Variants in ARL15 observed in about 807,000 individuals in gnomAD.
The protein encoded by ARL15 is ARF like GTPase 15, also known as ADP-ribosylation factor-like protein 15.
ARL15 carries 19 observed loss-of-function variants against 25.2 expected under a neutral mutation model. The observed-to-expected ratio is 0.75, with a 90% CI of 0.53 to 1.10. The LOEUF is 1.10. Ranked by LOEUF, ARL15 falls within the 50% of genes least tolerant of loss-of-function variation. The pLI is 0.00. For synonymous variants in ARL15, 94 were observed against 86.8 expected (o/e 1.08, Z -0.46); for missense variants, 220 against 246.0 (o/e 0.89, Z 0.71).
intron 4 of ARL15, among the ~76,000 whole-genome samples, chr5:54,062,163 T>C (rs1751088604): frequency 1.3e-5 from 2 of 152,204 alleles, no homozygotes; most frequent in African/African-American, 4.8e-5. Flanking sequence ...TGTACCCGCA[T>C]TGTACGTAGG....
At chr5:54,175,582 A>T (rs772780224) in intron 1 of ARL15, among the ~76,000 whole-genome samples, 1 of 150,316 alleles carries the variant, frequency 6.7e-6, no homozygotes, top group Non-Finnish European at 1.5e-5. Context: ...TGATCCACTC[A>T]CCTCAGCCTC....
At chr5:54,123,587 T>C (rs1014449772) in intron 3 of ARL15, among the ~76,000 whole-genome samples, 1 of 152,186 alleles carries the variant, frequency 6.6e-6, no homozygotes, top group African/African-American at 2.4e-5. Context: ...AAATGAATAG[T>C]TTCTATGAGT....
intron 2 of ARL15, among the ~76,000 whole-genome samples, chr5:54,165,036 T>C (rs1404681109): frequency 3.9e-5 from 6 of 151,972 alleles, no homozygotes; most frequent in Admixed American, 2.6e-4. Flanking sequence ...TTTGTTATTT[T>C]ATTGGTTACT....
intron 2 of ARL15, among the ~76,000 whole-genome samples, chr5:54,162,037 A>G (rs172139): frequency 0.41 from 62,688 of 151,310 alleles, 13,554 homozygotes; most frequent in East Asian, 0.82. Flanking sequence ...AGAGAGATAC[A>G]CACCTGCTAT....
At chr5:54,228,957 C>T (rs1441103189) in intron 1 of ARL15, among the ~76,000 whole-genome samples, 1 of 152,124 alleles carries the variant, frequency 6.6e-6, no homozygotes, top group Non-Finnish European at 1.5e-5. Context: ...GTTAAGGTGT[C>T]TGTGAGAGAT....
intron 1 of ARL15, among the ~76,000 whole-genome samples, chr5:54,271,301 AG>A (rs1757777331): frequency 6.6e-6 from 1 of 152,192 alleles, no homozygotes; most frequent in Non-Finnish European, 1.5e-5. Flanking sequence ...TCAGTATCCA[AG>A]GGGAATTGGT....
intron 4 of ARL15, among the ~76,000 whole-genome samples, chr5:53,914,607 A>C (rs1745574094): frequency 1.3e-5 from 2 of 152,118 alleles, no homozygotes; most frequent in Admixed American, 1.3e-4. Flanking sequence ...GACAGACCTC[A>C]AGGCTCAGAG....
intron 3 of ARL15, among the ~76,000 whole-genome samples, chr5:54,149,908 A>C (rs1754014344): frequency 6.6e-6 from 1 of 152,210 alleles, no homozygotes; most frequent in South Asian, 2.1e-4. Flanking sequence ...ATAGGAAAAC[A>C]AAAAGTTCAC....
chr5:54,260,631 C>A (rs896824395), intron 1 of ARL15, among the ~76,000 whole-genome samples: 4 of 152,128 alleles, frequency 2.6e-5, no homozygotes, highest in African/African-American at 9.7e-5. Context: ...TGGTTTCAAC[C>A]CTGATTTGAA....
At chr5:53,898,516 A>G (rs960002845) in intron 4 of ARL15, among the ~76,000 whole-genome samples, 3 of 152,092 alleles carry the variant, frequency 2.0e-5, no homozygotes, top group East Asian at 1.9e-4. Flanking sequence ...TCTTGAGTAA[A>G]TTTCAGTAGT....
intron 4 of ARL15, among the ~76,000 whole-genome samples, chr5:54,109,158 T>C (rs1389428987): frequency 6.6e-6 from 1 of 152,014 alleles, no homozygotes; most frequent in African/African-American, 2.4e-5. Context: ...GTTGACACCC[T>C]AATTTAGAAG....
At chr5:53,999,515 C>T (rs993915076) in intron 4 of ARL15, among the ~76,000 whole-genome samples, 4 of 152,010 alleles carry the variant, frequency 2.6e-5, no homozygotes, top group African/African-American at 7.2e-5. Flanking sequence ...CACTTGAACC[C>T]GGGAGGTGGA....
chr5:54,296,808 A>G (rs1174709945), intron 1 of ARL15, among the ~76,000 whole-genome samples: 1 of 152,184 alleles, frequency 6.6e-6, no homozygotes, highest in Non-Finnish European at 1.5e-5. Flanking sequence ...CCCTGGAAGG[A>G]CCCTCAATTC....
intron 1 of ARL15, among the ~76,000 whole-genome samples, chr5:54,212,524 A>G (rs1319521540): frequency 6.6e-6 from 1 of 152,214 alleles, no homozygotes; most frequent in African/African-American, 2.4e-5. Context: ...CAGGGAACAC[A>G]GGAGTCTAAG....
chr5:54,192,478 T>C (rs577094004), intron 1 of ARL15, among the ~76,000 whole-genome samples: 3 of 152,074 alleles, frequency 2.0e-5, no homozygotes, highest in South Asian at 2.1e-4. Flanking sequence ...CCTTTTATCA[T>C]TGGACAGAGG....
At chr5:54,212,322 G>A (rs1756065841) in intron 1 of ARL15, among the ~76,000 whole-genome samples, 1 of 152,128 alleles carries the variant, frequency 6.6e-6, no homozygotes, top group Non-Finnish European at 1.5e-5. Context: ...ATCAGCTCCA[G>A]ATGTCACATT....
At chr5:54,083,451 G>A (rs60121182) in intron 4 of ARL15, among the ~76,000 whole-genome samples, 2,860 of 152,258 alleles carry the variant, frequency 0.019, 104 homozygotes, top group African/African-American at 0.066. Flanking sequence ...GGATGGTTGC[G>A]CAAGAATTAA....
intron 3 of ARL15, among the ~76,000 whole-genome samples, chr5:54,119,533 C>T (rs1753009842): frequency 6.6e-6 from 1 of 152,110 alleles, no homozygotes; most frequent in Non-Finnish European, 1.5e-5. Context: ...AGAAAACTAG[C>T]TCAAATTATA....
chr5:54,128,862 C>A (rs1753347485), intron 3 of ARL15, among the ~76,000 whole-genome samples: 1 of 151,924 alleles, frequency 6.6e-6, no homozygotes, highest in Admixed American at 6.6e-5. Flanking sequence ...AGTGCCACCA[C>A]GCCCGGCTAA....
Sources: allele counts gnomAD v4.1 joint callset (sites outside exome capture counted in the v4.1 genomes callset), GRCh38; gene constraint gnomAD v4.1.1; transcripts MANE v1.5; gene names NCBI Gene and HGNC (gene_info 2026-07-23, HGNC 2026-07-21).